TXN2: variants seen among roughly 807,000 people sequenced by gnomAD.
TXN2 encodes thioredoxin, mitochondrial.
A neutral mutation model predicts 14.6 loss-of-function variants in TXN2; 12 were observed. The ratio of observed to expected loss-of-function variants is 0.82; its 90% CI spans 0.53 to 1.33. The LOEUF (loss-of-function observed/expected upper bound fraction) is 1.33. Ranked by LOEUF, TXN2 falls within the 40% of genes most tolerant of loss-of-function variation. The pLI is 0.00. For synonymous variants in TXN2, 89 were observed against 81.0 expected, an observed-to-expected ratio of 1.10 and a Z score of -0.53; for missense variants, 173 against 207.7, an observed-to-expected ratio of 0.83 and a Z score of 1.03.
At chr22:36,470,384 G>A (rs902208221) in intron 3 of TXN2, among the ~76,000 whole-genome samples, 4 of 152,168 alleles carry the variant, frequency 2.6e-5, no homozygotes, top group African/African-American at 9.7e-5. Flanking sequence ...TCCAGGAAGC[G>A]CCTGAAGCCA....
At position 36,467,919 on chromosome 22, in the gene TXN2, TG is replaced by T; in HGVS notation, c.388-3del. ...CAGCACAGTGGGCACCGCTGACACC[TG>T]GGTGGAGAGGACAAGGGGGTCCAAG... On this transcript the variant is annotated splice_region_variant and splice_polypyrimidine_tract_variant and intron_variant, in intron 3 of 3. Coordinates refer to ENST00000216185, the MANE Select transcript of TXN2 (RefSeq NM_012473.4). 1 of 1,613,752 alleles carries T rather than the reference TG, an allele frequency of 6.2e-7. No individual in the cohort carries two copies. Among genetic ancestry groups the T allele is most frequent in the Non-Finnish European group, 8.5e-7 (1 of 1,179,628 alleles).
intron 3 of TXN2, among the ~76,000 whole-genome samples, chr22:36,476,367 T>C (rs1276932609): frequency 6.6e-6 from 1 of 151,858 alleles, no homozygotes; most frequent in Non-Finnish European, 1.5e-5. Flanking sequence ...CCAAGGTGGG[T>C]GGATCATAAG....
At chr22:36,475,094 C>T (rs904645306) in intron 3 of TXN2, among the ~76,000 whole-genome samples, 68 of 152,354 alleles carry the variant, frequency 4.5e-4, no homozygotes, top group African/African-American at 1.6e-3. Context: ...AAAAAAGAAA[C>T]CCGCTGGGCG....
chr22:36,480,074 G>C (rs1403996956), intron 2 of TXN2, among the ~76,000 whole-genome samples: 1 of 151,998 alleles, frequency 6.6e-6, no homozygotes, highest in Non-Finnish European at 1.5e-5. Flanking sequence ...ATAGAGACAG[G>C]GTATCACCAT....
At chr22:36,471,696 C>T (rs962295577) in intron 3 of TXN2, among the ~76,000 whole-genome samples, 3 of 152,084 alleles carry the variant, frequency 2.0e-5, no homozygotes, top group African/African-American at 7.2e-5. Flanking sequence ...AGGACAGGCG[C>T]GGCAGCTCCT....
Position 36,467,543 on chromosome 22 carries a change from G to C in TXN2, c.*261C>G, listed in dbSNP as rs2145817945. ...CAGGCTCTCGCCACACATCCTGGGA[G>C]AACTGCCATAGGCCCTAGAAGGAGG... On this transcript the variant is annotated 3_prime_UTR_variant, in exon 4 of 4. Coordinates refer to ENST00000216185, the MANE Select transcript of TXN2 (RefSeq NM_012473.4). 1 of 442,480 alleles carries C rather than the reference G, an allele frequency of 2.3e-6. No individual in the cohort carries two copies. Among genetic ancestry groups the C allele is most frequent in the East Asian group, 4.3e-5 (1 of 23,020 alleles). The allele number at this position is 442,480 out of a possible 1,614,324, so 27.4% of individuals were successfully genotyped here. A position where few individuals can be genotyped will look rare whatever the true frequency, so the allele number is the denominator to read the frequency against.
At chr22:36,481,263 C>G (rs1272326266) in intron 1 of TXN2, 1 of 156,212 alleles carries the variant, frequency 6.4e-6, no homozygotes, top group Non-Finnish European at 1.4e-5. Flanking sequence ...CCCAAAGTAA[C>G]CCCGCTATTA....
intron 2 of TXN2, among the ~76,000 whole-genome samples, chr22:36,478,133 A>C (rs1933425907): frequency 1.4e-5 from 1 of 71,142 alleles, no homozygotes; most frequent in Non-Finnish European, 3.3e-5. Context: ...ACTCTGTCTC[A>C]AAAAAAAAAA....
chr22:36,476,591 C>CAAA, intron 3 of TXN2, 142 bp downstream of exon 3: 5 of 961,110 alleles, frequency 5.2e-6, no homozygotes, highest in Admixed American at 2.8e-5. Context: ...GATTCCGTCT[C>CAAA]AAAAAAAAAA....
chr22:36,480,545 C>T (rs371095951), intron 2 of TXN2, 30 bp downstream of exon 2: 1 of 1,603,516 alleles, frequency 6.2e-7, no homozygotes, highest in Non-Finnish European at 8.5e-7. Flanking sequence ...CAAGTAGGAC[C>T]CTAGTCTTCT....
intron 2 of TXN2, 89 bp from the exon 3 acceptor site, chr22:36,476,945 A>G: frequency 1.3e-6 from 2 of 1,575,958 alleles, no homozygotes; most frequent in Non-Finnish European, 1.7e-6. Context: ...TTTCCAAGGA[A>G]TCTTTTGCCC....
intron 2 of TXN2, 46 bp downstream of exon 2, chr22:36,480,529 C>T (rs1933477219): frequency 6.3e-7 from 1 of 1,588,586 alleles, no homozygotes; most frequent in South Asian, 1.2e-5. Flanking sequence ...TCAATAAATA[C>T]TTGAACAAGT....
rs576701261 is a variant in TXN2, at chr22:36,473,422, G to A, written c.387+3311C>T. Among the ~76,000 whole-genome samples, 27 of 152,208 alleles carry A rather than the reference G, an allele frequency of 1.8e-4. No individual in the cohort carries two copies. In the East Asian group the frequency reaches 2.9e-3, roughly 16 times the overall value. Reference sequence around the variant, plus strand: ...CGTGCCATTGCACTCCAGCCTGGGCGACAGAGCGAGACTCCATCTCAAAAA... The same window carrying A: ...CGTGCCATTGCACTCCAGCCTGGGCAACAGAGCGAGACTCCATCTCAAAAA... On this transcript the variant is annotated intron_variant, in intron 3 of 3. Transcript: ENST00000216185.
At chr22:36,471,598 A>G (rs1933275704) in intron 3 of TXN2, among the ~76,000 whole-genome samples, 2 of 152,098 alleles carry the variant, frequency 1.3e-5, no homozygotes, top group African/African-American at 4.8e-5. Context: ...ACACTATCTC[A>G]CACTCTCCTG....
chr22:36,481,013 G>T, intron 1 of TXN2, 176 bp from the exon 2 acceptor site: 1 of 639,102 alleles, frequency 1.6e-6, no homozygotes, highest in Non-Finnish European at 2.4e-6. Context: ...CAAAGGGAAG[G>T]AACAGCTAGG....
chr22:36,469,744 T>G (rs1263961062), intron 3 of TXN2, among the ~76,000 whole-genome samples: 1 of 152,082 alleles, frequency 6.6e-6, no homozygotes, highest in African/African-American at 2.4e-5. Flanking sequence ...TCACTTGAGG[T>G]CAGGAGTTCG....
At chr22:36,470,085 T>A (rs1204104124) in intron 3 of TXN2, among the ~76,000 whole-genome samples, 4 of 152,252 alleles carry the variant, frequency 2.6e-5, no homozygotes, top group Admixed American at 6.5e-5. Flanking sequence ...ATCCCAGTGC[T>A]GCCCTGCCAC....
intron 2 of TXN2, among the ~76,000 whole-genome samples, chr22:36,479,571 A>G (rs902087889): frequency 1.3e-5 from 2 of 152,074 alleles, no homozygotes; most frequent in Non-Finnish European, 2.9e-5. Flanking sequence ...ACCTCAGGTA[A>G]TCCACCTGCC....
chr22:36,481,002 T>A (rs1248953295), intron 1 of TXN2, 165 bp from the exon 2 acceptor site: 5 of 736,188 alleles, frequency 6.8e-6, no homozygotes, highest in East Asian at 6.1e-5. Flanking sequence ...GCAATGAGAA[T>A]CAAAGGGAAG....
Sources: gnomAD v4.1 joint callset for allele counts (sites outside exome capture counted in the v4.1 genomes callset) on GRCh38, gnomAD v4.1.1 for gene constraint, MANE v1.5 for transcripts, NCBI Gene and HGNC (gene_info 2026-07-23, HGNC 2026-07-21) for gene names.